Variants in ADH6 observed in about 807,000 individuals in gnomAD.
The protein encoded by ADH6 is alcohol dehydrogenase 6 (class V).
Under a neutral mutation model 36.5 loss-of-function variants are expected in ADH6, and 34 were observed. The ratio of observed to expected loss-of-function variants is 0.93; its 90% CI spans 0.71 to 1.24. ADH6 has a LOEUF of 1.24. ADH6 is among the 50% of genes most tolerant of loss of function. The pLI is 0.00. For synonymous variants in ADH6, 161 were observed against 155.5 expected, an observed-to-expected ratio of 1.04 and a Z score of -0.26; for missense variants, 440 against 447.0, an observed-to-expected ratio of 0.98 and a Z score of 0.14.
intron 1 of ADH6, 67 bp downstream of exon 1, chr4:99,219,068 T>A: frequency 6.7e-7 from 1 of 1,500,110 alleles, no homozygotes; most frequent in Non-Finnish European, 9.3e-7. Context: ...GATGAGATGT[T>A]GGTAAAGAGA....
chr4:99,208,547 A>C (rs1431279022), intron 6 of ADH6, 121 bp downstream of exon 6: 4 of 1,183,830 alleles, frequency 3.4e-6, no homozygotes, highest in Non-Finnish European at 4.8e-6. Flanking sequence ...CTGAGATGTC[A>C]TGGAACACAA....
rs2110552534 is a variant in ADH6, at chr4:99,213,096, T to C, written c.262+510A>G. Among the ~76,000 whole-genome samples the C allele has an allele frequency of 2.0e-5, 3 of 152,262 alleles. No individual in the cohort carries two copies. The East Asian group carries it at 5.8e-4, about 29-fold the overall frequency. On this transcript the variant is annotated intron_variant, in intron 3 of 8. Transcript: ENST00000394899. ...TAATTTTTTTATATAAAGAATGAGA[T>C]GGCAACCCAATTTACTTTTTTAGCC...
At chr4:99,204,344 T>C in intron 8 of ADH6, 101 bp from the exon 9 acceptor site, 2 of 1,508,168 alleles carry the variant, frequency 1.3e-6, no homozygotes, top group Non-Finnish European at 1.8e-6. Flanking sequence ...AACTAGATTT[T>C]TTTTCTCTTT....
chr4:99,209,745 C>A (rs189046113), intron 5 of ADH6, among the ~76,000 whole-genome samples: 1 of 151,928 alleles, frequency 6.6e-6, no homozygotes, highest in Non-Finnish European at 1.5e-5. Flanking sequence ...TGAATGGCTC[C>A]GAAAATATTT....
chr4:99,219,138 G>GCCA lies in ADH6; in HGVS notation c.14_15insTGG (p.Gly5dup). The GCCA allele has an allele frequency of 6.2e-7, 1 of 1,611,608 alleles. No individual in the cohort carries two copies. The highest frequency in any genetic ancestry group is 8.5e-7 in the Non-Finnish European group (1 of 1,177,882). ...TAAAGAATAAGACTGCACCTACTTG[G>GCCA]CCTGTAGTACTCATGCTGATTTTCT... On this transcript the variant is annotated inframe_insertion, in exon 1 of 9. Transcript: ENST00000394899.
Position 99,205,049 on chromosome 4 carries a change from G to C in ADH6, c.979C>G (p.Gln327Glu), listed in dbSNP as rs1447608668. ...TCAGCAACCAGTTTAGGGATGTGCTGTCTGCTCTTCCAGCCTGGAAATACA... is the reference window on the plus strand; with the variant it reads ...TCAGCAACCAGTTTAGGGATGTGCTCTCTGCTCTTCCAGCCTGGAAATACA... The part of the protein sequence containing the change: ...GSVFGGWKSR[Q>E]HIPKLVADYM... The change falls in exon 8 of 9, where the codon CAG becomes GAG. Residue 327 changes from glutamine (Q) to glutamate (E), a missense_variant. By Grantham distance (29) the Gln-to-Glu change is conservative. Transcript: ENST00000394899. 14 of 1,579,382 alleles carry C rather than the reference G, an allele frequency of 8.9e-6. No individual in the cohort carries two copies. The highest frequency in any genetic ancestry group is 1.2e-5 in the Non-Finnish European group (14 of 1,164,272).
At chr4:99,211,874 A>G (rs541561110) in intron 3 of ADH6, among the ~76,000 whole-genome samples, 3 of 152,254 alleles carry the variant, frequency 2.0e-5, no homozygotes, top group African/African-American at 7.2e-5. Flanking sequence ...TAAGGATCTC[A>G]GTCCTATAGC....
intron 5 of ADH6, among the ~76,000 whole-genome samples, chr4:99,209,377 T>TA (rs1320429578): frequency 6.6e-6 from 1 of 152,148 alleles, no homozygotes; most frequent in Non-Finnish European, 1.5e-5. Flanking sequence ...GCTTTTTTTT[T>TA]ATTGAGTACT....
chr4:99,215,571 T>C (rs1458910271), intron 2 of ADH6, among the ~76,000 whole-genome samples: 2 of 152,222 alleles, frequency 1.3e-5, no homozygotes, highest in Non-Finnish European at 2.9e-5. Context: ...TGTTCTCATC[T>C]CCTGCACTCA....
At chr4:99,211,470 C>A (rs182808324) in intron 3 of ADH6, among the ~76,000 whole-genome samples, 1 of 152,262 alleles carries the variant, frequency 6.6e-6, no homozygotes, top group African/African-American at 2.4e-5. Flanking sequence ...CACCCCAACA[C>A]TAAAACCAGT....
In ADH6 at chr4:99,207,470, A is replaced by G; in HGVS notation, c.940T>C (p.Ser314Pro). The G allele has an allele frequency of 6.2e-7, 1 of 1,613,580 alleles. No individual in the cohort carries two copies. The highest frequency in any genetic ancestry group is 2.2e-5 in the East Asian group (1 of 44,878). Residue 314 changes from serine to proline, a missense_variant, in exon 7 of 9, where the codon TCT becomes CCT. Ser to Pro is a moderately conservative substitution (Grantham distance 74, BLOSUM62 -1). Transcript: ENST00000394899. Reference sequence around the variant, plus strand: ...CCTCCAAAAACAGAACCCTTCAAAGAACGTCCTGAGAAGAACAACTGGCCA... The same window carrying G: ...CCTCCAAAAACAGAACCCTTCAAAGGACGTCCTGAGAAGAACAACTGGCCA... ...ISGQLFFSGR[S>P]LKGSVFGGWK...
At chr4:99,205,695 A>G (rs1731007781) in intron 7 of ADH6, among the ~76,000 whole-genome samples, 1 of 152,156 alleles carries the variant, frequency 6.6e-6, no homozygotes, top group Admixed American at 6.6e-5. Flanking sequence ...CAAGAAACAC[A>G]TTAAATTTAG....
At chr4:99,210,958 T>C (rs1038952559) in intron 3 of ADH6, among the ~76,000 whole-genome samples, 8 of 152,124 alleles carry the variant, frequency 5.3e-5, no homozygotes, top group Non-Finnish European at 1.0e-4. Context: ...CATCAACCCT[T>C]TCTTCTTGAC....
chr4:99,206,928 A>G (rs1731057286), intron 7 of ADH6, among the ~76,000 whole-genome samples: 1 of 152,130 alleles, frequency 6.6e-6, no homozygotes, highest in Admixed American at 6.6e-5. Flanking sequence ...AGGATTCTAT[A>G]AGATATTTTT....
chr4:99,216,856 T>A (rs1014143459), intron 1 of ADH6, among the ~76,000 whole-genome samples: 2 of 148,994 alleles, frequency 1.3e-5, no homozygotes, highest in Non-Finnish European at 3.0e-5. Context: ...AAAAAAAAAA[T>A]TGTGCCTATT....
Position 99,204,013 on chromosome 4 carries a change from T to C in ADH6, c.*206A>G. The C allele has an allele frequency of 1.8e-6, 1 of 548,368 alleles. No homozygotes were observed. The highest frequency in any genetic ancestry group is 3.1e-6 in the Non-Finnish European group (1 of 326,110). 34.0% of individuals were successfully genotyped at this position (548,368 alleles called of 1,614,324 possible). A position where few individuals can be genotyped will look rare whatever the true frequency, so the allele number is the denominator to read the frequency against. On this transcript the variant is annotated 3_prime_UTR_variant, in exon 9 of 9. Coordinates refer to ENST00000394899, the MANE Select transcript of ADH6 (RefSeq NM_001102470.2). The stretch of plus-strand genomic sequence containing the variant: ...CTTAATCTAGCTCTGAAAAGGAGGC[T>C]GATCCTTGGTGACACTGGGTTACGT...
intron 2 of ADH6, among the ~76,000 whole-genome samples, chr4:99,214,842 T>C (rs966740998): frequency 6.6e-6 from 1 of 152,220 alleles, no homozygotes; most frequent in Non-Finnish European, 1.5e-5. Context: ...GAAAGTGCTG[T>C]CAGACCTCAT....
intron 1 of ADH6, among the ~76,000 whole-genome samples, chr4:99,217,580 T>C (rs1731495157): frequency 6.6e-6 from 1 of 152,194 alleles, no homozygotes; most frequent in Non-Finnish European, 1.5e-5. Flanking sequence ...TAGTACTCCA[T>C]TGTGTATATG....
At chr4:99,216,307 T>C in intron 1 of ADH6, 45 bp from the exon 2 acceptor site, 1 of 1,326,238 alleles carries the variant, frequency 7.5e-7, no homozygotes, top group Non-Finnish European at 1.0e-6. Context: ...TCCTTAAGCT[T>C]GGGAGTTGGA....
Sources: allele counts gnomAD v4.1 joint callset (sites outside exome capture counted in the v4.1 genomes callset), GRCh38; gene constraint gnomAD v4.1.1; transcripts MANE v1.5; gene names NCBI Gene and HGNC (gene_info 2026-07-23, HGNC 2026-07-21).